The following STARD9 variants were observed in gnomAD, a reference collection of about 807,000 sequenced individuals.
STARD9 encodes stAR-related lipid transfer protein 9.
Under a neutral mutation model 399.8 loss-of-function variants are expected in STARD9, and 346 were observed. That is an observed-to-expected ratio of 0.87 (90% CI 0.79 to 0.95). The LOEUF is 0.95. STARD9 is among the 40% of genes least tolerant of loss of function. The probability of loss-of-function intolerance (pLI) is 0.00; values close to 1 mark genes in which losing one functional copy is unlikely to be tolerated. For synonymous variants in STARD9, 2,203 were observed against 2,143.5 expected, an observed-to-expected ratio of 1.03 and a Z score of -0.77; for missense variants, 5,832 against 5,667.5, an observed-to-expected ratio of 1.03 and a Z score of -0.93.
chr15:42,596,416 G>A (rs1190139276), intron 3 of STARD9, among the ~76,000 whole-genome samples: 1 of 152,148 alleles, frequency 6.6e-6, no homozygotes, highest in Non-Finnish European at 1.5e-5. Context: ...GTATGATGAT[G>A]GTGATGATTA....
chr15:42,610,485 C>A (rs1327840559), intron 3 of STARD9, among the ~76,000 whole-genome samples: 2 of 152,242 alleles, frequency 1.3e-5, no homozygotes, highest in East Asian at 3.8e-4. Flanking sequence ...AAATAAACTT[C>A]ATTGTTTAAA....
chr15:42,627,760 T>G (rs940650471), intron 3 of STARD9, among the ~76,000 whole-genome samples: 2 of 152,232 alleles, frequency 1.3e-5, no homozygotes, highest in Non-Finnish European at 2.9e-5. Context: ...ATGACAGGGT[T>G]TCACTGTTTC....
intron 3 of STARD9, among the ~76,000 whole-genome samples, chr15:42,605,392 A>G (rs1480711748): frequency 1.3e-5 from 2 of 152,206 alleles, no homozygotes; most frequent in Admixed American, 6.5e-5. Flanking sequence ...CCTGAAATCA[A>G]ATGGTGACCA....
Position 42,716,726 on chromosome 15 carries a change from G to C in STARD9, c.13334G>C (p.Arg4445Pro). The change falls in exon 27 of 33, where the codon CGA (arginine) becomes CCA (proline). Residue 4445 changes from arginine (R) to proline (P), a missense_variant. Physicochemically the swap from Arg to Pro is moderately radical, Grantham distance 103 (BLOSUM62 -2). This residue lies in a region of STARD9 where 5,828 missense variants were observed against 5,651.1 expected (regional missense o/e 1.03). Coordinates refer to ENST00000290607, the MANE Select transcript of STARD9 (RefSeq NM_020759.3). The part of the protein sequence containing the change: ...DSRDVWIGDE[R>P]GGHSAVRKNS... ...AGGGATGTATGGATAGGGGATGAGC[G>C]AGGAGGCCATTCTGCAGTGAGGAAG... 6.5e-7 allele frequency: 1 copy of C among 1,537,074 alleles called. No individual in the cohort carries two copies.
rs753448969 is a variant in STARD9, at chr15:42,693,791, C to G, written c.12213C>G (p.Arg4071=). The change falls in exon 23 of 33, where the codon CGC becomes CGG. Residue 4071 remains arginine, a synonymous_variant. Transcript: ENST00000290607. ...ESSASPGEPQ[R]TLDRPSSWGG... ...CAGCATCTCCAGGGGAACCACAACG[C>G]ACTCTGGACCGACCTTCTTCATGGG... The G allele has an allele frequency of 6.5e-7, 1 of 1,535,990 alleles. No individual in the cohort carries two copies. The highest frequency in any genetic ancestry group is 2.4e-5 in the East Asian group (1 of 40,914).
intron 26 of STARD9, among the ~76,000 whole-genome samples, chr15:42,698,484 C>T (rs2060892190): frequency 6.6e-6 from 1 of 152,092 alleles, no homozygotes; most frequent in Admixed American, 6.6e-5. Flanking sequence ...GCCATCTGTT[C>T]ATATCCTTTG....
In STARD9 at chr15:42,686,055, C is replaced by G. The variant is rs956761427; in HGVS notation, c.4477C>G (p.Leu1493Val). 8.5e-6 allele frequency: 13 copies of G among 1,537,078 alleles called. 1 individual carries two copies. In the African/African-American group the frequency reaches 1.4e-4, roughly 16 times the overall value. Residue 1493 changes from leucine to valine, a missense_variant, in exon 23 of 33, where the codon CTT (leucine) becomes GTT (valine). Coordinates refer to ENST00000290607, the MANE Select transcript of STARD9 (RefSeq NM_020759.3). ...DWSALQQKYL[L>V]ELSCPVLEAI... ...GTCTGCCCTTCAGCAGAAGTACCTC[C>G]TTGAACTCTCTTGTCCTGTTTTGGA... is the stretch of plus-strand genomic sequence containing the variant.
intron 28 of STARD9, among the ~76,000 whole-genome samples, chr15:42,717,461 A>G (rs1026847294): frequency 2.9e-4 from 44 of 151,996 alleles, no homozygotes; most frequent in African/African-American, 1.1e-3. Context: ...TGTCTCTACC[A>G]AAAAAATAAA....
At chr15:42,640,958 C>T (rs777156465) in intron 7 of STARD9, among the ~76,000 whole-genome samples, 1 of 151,850 alleles carries the variant, frequency 6.6e-6, no homozygotes, top group Non-Finnish European at 1.5e-5. Flanking sequence ...CCCAAAGTCA[C>T]ACAGTTAGAG....
At chr15:42,621,552 A>T (rs7174847) in intron 3 of STARD9, among the ~76,000 whole-genome samples, 1,765 of 152,360 alleles carry the variant, frequency 0.012, 40 homozygotes, top group African/African-American at 0.04. Context: ...GGAAAGTGAC[A>T]TACAGAAAAC....
intron 3 of STARD9, among the ~76,000 whole-genome samples, chr15:42,599,185 A>G (rs1158630200): frequency 6.6e-6 from 1 of 152,122 alleles, no homozygotes; most frequent in East Asian, 1.9e-4. Flanking sequence ...TGGCTTCCCA[A>G]AGTGCTGGGA....
In STARD9 at chr15:42,692,038, T is replaced by A; in HGVS notation, c.10460T>A (p.Met3487Lys). Reference sequence around the variant, plus strand: ...GCACGTATCAGCTGGAAGCAGTATATGTCTGGCAGTGCAGTCGATGTTTCC... The same window carrying A: ...GCACGTATCAGCTGGAAGCAGTATAAGTCTGGCAGTGCAGTCGATGTTTCC... Reference protein sequence around the residue: ...EPARISWKQYMSGSAVDVSCS... With the variant: ...EPARISWKQYKSGSAVDVSCS... The change falls in exon 23 of 33, where the codon ATG becomes AAG. Residue 3487 changes from methionine to lysine, a missense_variant. Physicochemically the swap from Met to Lys is moderately conservative, Grantham distance 95. Coordinates refer to ENST00000290607, the MANE Select transcript of STARD9 (RefSeq NM_020759.3). The A allele has an allele frequency of 6.5e-7, 1 of 1,537,244 alleles. No individual in the cohort carries two copies. The highest frequency in any genetic ancestry group is 8.7e-7 in the Non-Finnish European group (1 of 1,146,910).
intron 26 of STARD9, among the ~76,000 whole-genome samples, chr15:42,709,005 C>T (rs1002280821): frequency 2.0e-5 from 3 of 151,758 alleles, no homozygotes; most frequent in South Asian, 2.1e-4. Context: ...CAGAGGTTAC[C>T]GGATACCGAC....
rs573256473 is a variant in STARD9 at position 42,636,821 on chromosome 15, T to C, written c.352-1086T>C. 2.6e-5 allele frequency among the ~76,000 whole-genome samples: 4 copies of C among 152,128 alleles called. No homozygotes were observed. In the South Asian group the frequency reaches 8.3e-4, roughly 32 times the overall value. On this transcript the variant is annotated intron_variant, in intron 4 of 32. Coordinates refer to ENST00000290607, the MANE Select transcript of STARD9 (RefSeq NM_020759.3). ...TGGCTCACACCTATAATCCCAGTAC[T>C]TTGGGAGGCTAAGGCAGGCGGATCA...
intron 7 of STARD9, among the ~76,000 whole-genome samples, 182 bp downstream of exon 7, chr15:42,638,994 A>G (rs997699407): frequency 4.0e-5 from 6 of 151,216 alleles, no homozygotes; most frequent in Admixed American, 3.3e-4. Context: ...CAAGCTTACA[A>G]TCTAGTGGGT....
At chr15:42,641,273 T>TA (rs1385644707) in intron 7 of STARD9, among the ~76,000 whole-genome samples, 1 of 152,168 alleles carries the variant, frequency 6.6e-6, no homozygotes, top group Non-Finnish European at 1.5e-5. Context: ...TCTAAACCAA[T>TA]AAAAAATCTC....
At position 42,694,027 on chromosome 15, in the gene STARD9, A is replaced by G; in HGVS notation, c.12449A>G (p.Lys4150Arg). 1 of 1,532,324 alleles carries G rather than the reference A, an allele frequency of 6.5e-7. No individual in the cohort carries two copies. The highest frequency in any genetic ancestry group is 8.7e-7 in the Non-Finnish European group (1 of 1,144,676). 94.9% of individuals were successfully genotyped at this position (1,532,324 alleles called of 1,614,324 possible). A position where few individuals can be genotyped will look rare whatever the true frequency, so the allele number is the denominator to read the frequency against. ...TTTAGTAACTGGTGTGGGGTTCAGA[A>G]GGGCTCACCTGGGGGGTTGGACATG... ...NKFSNWCGVQ[K>R]GSPGGLDMTE... Residue 4150 changes from lysine (K) to arginine (R), a missense_variant, in exon 23 of 33, where the codon AAG (lysine) becomes AGG (arginine). Physicochemically the swap from Lys to Arg is conservative, Grantham distance 26. Around this residue, in one of 2 missense-constraint regions of STARD9, gnomAD observed 5,828 missense variants for 5,651.1 expected, o/e 1.03. Coordinates refer to ENST00000290607, the MANE Select transcript of STARD9 (RefSeq NM_020759.3).
chr15:42,643,228 G>T (rs1292084851), intron 7 of STARD9, among the ~76,000 whole-genome samples: 1 of 151,956 alleles, frequency 6.6e-6, no homozygotes, highest in African/African-American at 2.4e-5. Context: ...ACGGAGTCTT[G>T]CTTTGTCACC....
At chr15:42,681,769 T>A (rs1276311229) in intron 21 of STARD9, among the ~76,000 whole-genome samples, 157 bp downstream of exon 21, 9 of 152,182 alleles carry the variant, frequency 5.9e-5, no homozygotes, top group African/African-American at 2.2e-4. Context: ...GAGATTCTTA[T>A]AAGAAGAGGG....
Sources: allele counts gnomAD v4.1 joint callset (sites outside exome capture counted in the v4.1 genomes callset), GRCh38; gene constraint gnomAD v4.1.1; regional missense constraint gnomAD v4.1.1; transcripts MANE v1.5; gene names NCBI Gene and HGNC (gene_info 2026-07-23, HGNC 2026-07-21).